Variants in TFAP2E observed in about 807,000 individuals in gnomAD.
The protein encoded by TFAP2E is transcription factor AP-2-epsilon.
A neutral mutation model predicts 37.9 loss-of-function variants in TFAP2E; 30 were observed. The observed-to-expected ratio is 0.79, with a 90% CI of 0.59 to 1.07. The LOEUF is 1.07. Among genes scored for constraint, TFAP2E ranks in the 50% least tolerant of loss-of-function variants. The pLI, the probability that TFAP2E is intolerant of heterozygous loss-of-function variation, is 0.00. For missense variants in TFAP2E, 567 were observed against 637.9 expected (o/e 0.89, Z 1.20); for synonymous variants, 318 against 295.8 (o/e 1.08, Z -0.77).
At chr1:35,589,066 G>A (rs575500685) in intron 4 of TFAP2E, among the ~76,000 whole-genome samples, 1 of 152,226 alleles carries the variant, frequency 6.6e-6, no homozygotes, top group African/African-American at 2.4e-5. Flanking sequence ...TGAGGATGGT[G>A]TGGACATGTG....
rs915451242 is a variant in TFAP2E at position 35,594,477 on chromosome 1, C to T, written c.1130C>T (p.Pro377Leu). Residue 377 changes from proline (P) to leucine (L), a missense_variant, in exon 7 of 7, where the codon CCC (proline) becomes CTC (leucine). This residue lies in a region of TFAP2E where 252 missense variants were observed against 302.6 expected (regional missense o/e 0.83). Transcript: ENST00000373235. ...GNSRPALILE[P>L]GVQSCLTHFS... ...AGCCGCCCAGCACTCATCCTGGAGCCCGGAGTACAGAGCTGCTTGACACAC... is the reference window on the plus strand; with the variant it reads ...AGCCGCCCAGCACTCATCCTGGAGCTCGGAGTACAGAGCTGCTTGACACAC... 1.1e-5 allele frequency: 18 copies of T among 1,614,204 alleles called. No individual in the cohort carries two copies. Among genetic ancestry groups the T allele is most frequent in the Non-Finnish European group, 1.4e-5 (17 of 1,180,048 alleles).
Position 35,576,816 on chromosome 1 carries a change from C to T in TFAP2E, c.562+1816C>T, listed in dbSNP as rs550131407. ...CAGTCCAAAGAACACAACGAGAGTC[C>T]TAACATCCCAGGTGGCGGCGCGCTG... On this transcript the variant is annotated intron_variant, in intron 3 of 6. Transcript: ENST00000373235. Among the ~76,000 whole-genome samples the T allele has an allele frequency of 1.8e-3, 270 of 152,336 alleles. 1 individual carries two copies. Among genetic ancestry groups the T allele is most frequent in the African/African-American group, 6.2e-3 (257 of 41,584 alleles).
rs181469940 is a variant in TFAP2E at position 35,582,495 on chromosome 1, T to C, written c.563-5835T>C. Among the ~76,000 whole-genome samples the C allele has an allele frequency of 2.8e-4, 43 of 151,712 alleles. 1 individual carries two copies. Among genetic ancestry groups the C allele is most frequent in the African/African-American group, 1.0e-3 (43 of 41,396 alleles). ...TAAAATTTTAATTTTTTTTTTGCAT[T>C]TTTAAAAATTATCTTTTTTTTTTTT... On this transcript the variant is annotated intron_variant, in intron 3 of 6. Coordinates refer to ENST00000373235, the MANE Select transcript of TFAP2E (RefSeq NM_178548.4).
chr1:35,594,701 G>A lies in TFAP2E; in HGVS notation c.*25G>A, dbSNP rs1649781848. On this transcript the variant is annotated 3_prime_UTR_variant, in exon 7 of 7. Coordinates refer to ENST00000373235, the MANE Select transcript of TFAP2E (RefSeq NM_178548.4). ...ACTGCTTCTCCCACCCCATCCCTAA[G>A]GGGCTCCCAGGCCCTGAAATAGGGA... 1 of 1,612,686 alleles carries A rather than the reference G, an allele frequency of 6.2e-7. No individual in the cohort carries two copies.
intron 6 of TFAP2E, 95 bp from the exon 7 acceptor site, chr1:35,594,299 T>TG: frequency 6.8e-7 from 1 of 1,467,486 alleles, no homozygotes; most frequent in Admixed American, 2.2e-5. Context: ...TCAGCAATTG[T>TG]GTAGCTAATG....
At chr1:35,594,107 AGTAG>A (rs1649761446) in intron 6 of TFAP2E, among the ~76,000 whole-genome samples, 1 of 152,176 alleles carries the variant, frequency 6.6e-6, no homozygotes, top group African/African-American at 2.4e-5. Context: ...TAAGGTAGTA[AGTAG>A]CTGAGCTGCA....
chr1:35,573,813 C>T lies in TFAP2E; in HGVS notation c.28-114C>T. ...GGTGGCTCGGAAATAAACCTCGGGCCCCAAGAAACGGGAGGGACTGCAGCT... is the reference window on the plus strand; with the variant it reads ...GGTGGCTCGGAAATAAACCTCGGGCTCCAAGAAACGGGAGGGACTGCAGCT... On this transcript the variant is annotated intron_variant, in intron 1 of 6. Transcript: ENST00000373235. This position sits in a 1 kb window ranked among gnomAD's most constrained non-coding sequence, Gnocchi z 5.9. 7.3e-7 allele frequency: 1 copy of T among 1,378,878 alleles called. No homozygotes were observed. Among genetic ancestry groups the T allele is most frequent in the Non-Finnish European group, 9.4e-7 (1 of 1,063,882 alleles). 85.4% of individuals were successfully genotyped at this position (1,378,878 alleles called of 1,614,324 possible).
At chr1:35,574,878 G>A (rs1281292266) in intron 2 of TFAP2E, 71 bp from the exon 3 acceptor site, 1 of 1,602,490 alleles carries the variant, frequency 6.2e-7, no homozygotes, top group South Asian at 1.1e-5. Flanking sequence ...GACCCTGGGT[G>A]GCAGGGGCTT....
intron 3 of TFAP2E, among the ~76,000 whole-genome samples, chr1:35,584,318 GT>G (rs1235605746): frequency 1.3e-5 from 2 of 152,066 alleles, no homozygotes; most frequent in Non-Finnish European, 1.5e-5. Flanking sequence ...GCCCAGGCTG[GT>G]CTCAAACTTC....
rs1203384388 is a variant in TFAP2E at position 35,589,998 on chromosome 1, C to T, written c.854C>T (p.Ala285Val). 3 of 1,614,136 alleles carry T rather than the reference C, an allele frequency of 1.9e-6. No homozygotes were observed. In the Admixed American group the frequency reaches 5.0e-5, roughly 27 times the overall value. Residue 285 changes from alanine to valine, a missense_variant, in exon 5 of 7, where the codon GCT becomes GTT. Ala to Val is a moderately conservative substitution (Grantham distance 64, BLOSUM62 0). This residue lies in a region of TFAP2E where 252 missense variants were observed against 302.6 expected (regional missense o/e 0.83). Coordinates refer to ENST00000373235, the MANE Select transcript of TFAP2E (RefSeq NM_178548.4). ...GAGAAGATTGGGCTCAACCTGCCAG[C>T]TGGCCGTCGCAAGGCCGCCAATGTG... Reference protein sequence around the residue: ...RLEKIGLNLPAGRRKAANVTL... With the variant: ...RLEKIGLNLPVGRRKAANVTL...
At position 35,574,318 on chromosome 1, in the gene TFAP2E, TGCACGGCCTGGCCGACGGCGC is replaced by T. The variant is rs1010716861; in HGVS notation, c.432_452del (p.Gly146_Asp152del). On this transcript the variant is annotated inframe_deletion, in exon 2 of 7. Transcript: ENST00000373235. ...TATGCCACTGCCGTGCCCCGGCTCCTGCACGGCCTGGCCGACGGCGCGCACGGCCTGGCAGACGCACCTCTC... is the reference window on the plus strand; with the variant it reads ...TATGCCACTGCCGTGCCCCGGCTCCTGCACGGCCTGGCAGACGCACCTCTC... 18 of 1,456,214 alleles carry T rather than the reference TGCACGGCCTGGCCGACGGCGC, an allele frequency of 1.2e-5. No individual in the cohort carries two copies. Among genetic ancestry groups the T allele is most frequent in the African/African-American group, 1.5e-5 (1 of 67,098 alleles). The allele number at this position is 1,456,214 out of a possible 1,614,324, so 90.2% of individuals were successfully genotyped here.
At position 35,594,739 on chromosome 1, in the gene TFAP2E, G is replaced by A; in HGVS notation, c.*63G>A. 1.2e-6 allele frequency: 2 copies of A among 1,604,198 alleles called. No individual in the cohort carries two copies. The highest frequency in any genetic ancestry group is 1.7e-6 in the Non-Finnish European group (2 of 1,177,978). ...CCTGAAATAGGGACTTAGCTCTTGG[G>A]GGTGGGCCTGGAAGGACTGAAAGGT... On this transcript the variant is annotated 3_prime_UTR_variant, in exon 7 of 7. Transcript: ENST00000373235.
Position 35,574,206 on chromosome 1 carries a change from C to T in TFAP2E, c.307C>T (p.Pro103Ser), listed in dbSNP as rs1571094638. 2 of 1,253,168 alleles carry T rather than the reference C, an allele frequency of 1.6e-6. No individual in the cohort carries two copies. Among genetic ancestry groups the T allele is most frequent in the East Asian group, 8.7e-5 (2 of 23,048 alleles). The allele number at this position is 1,253,168 out of a possible 1,614,324, so 77.6% of individuals were successfully genotyped here. Residue 103 changes from proline to serine, a missense_variant, in exon 2 of 7, where the codon CCC becomes TCC. This residue lies in a region of TFAP2E where 312 missense variants were observed against 317.4 expected (regional missense o/e 0.98). Transcript: ENST00000373235. ...PQPPQAAWAA[P>S]RAAARAHEEP... ...GCCTCCTCAGGCCGCCTGGGCCGCG[C>T]CCCGCGCAGCCGCCCGCGCCCACGA...
chr1:35,574,694 T>G (rs574448111), intron 2 of TFAP2E: 6 of 642,070 alleles, frequency 9.3e-6, no homozygotes, highest in East Asian at 8.3e-5. Flanking sequence ...TGGGGCAGCC[T>G]GCACCTGGGG....
Position 35,573,916 on chromosome 1 carries a change from TC to T in TFAP2E, c.28-9del. On this transcript the variant is annotated splice_polypyrimidine_tract_variant and intron_variant, in intron 1 of 6. Transcript: ENST00000373235. This position sits in a 1 kb window ranked among gnomAD's most constrained non-coding sequence, Gnocchi z 5.9. ...CAGTGGGTCACCTAAGGCACCCCTC[TC>T]CTTCCCCAGGAGCGCCCCGACGGGC... 6.9e-7 allele frequency: 1 copy of T among 1,447,920 alleles called. No homozygotes were observed. Among genetic ancestry groups the T allele is most frequent in the Non-Finnish European group, 9.0e-7 (1 of 1,115,224 alleles). The allele number at this position is 1,447,920 out of a possible 1,614,324, so 89.7% of individuals were successfully genotyped here. A position where few individuals can be genotyped will look rare whatever the true frequency, so the allele number is the denominator to read the frequency against.
At chr1:35,581,264 A>G (rs1649342590) in intron 3 of TFAP2E, among the ~76,000 whole-genome samples, 1 of 152,214 alleles carries the variant, frequency 6.6e-6, no homozygotes, top group African/African-American at 2.4e-5. Flanking sequence ...ATAGTATGCC[A>G]TTGTACGGGT....
At chr1:35,587,424 G>C (rs1649512095) in intron 3 of TFAP2E, among the ~76,000 whole-genome samples, 1 of 152,052 alleles carries the variant, frequency 6.6e-6, no homozygotes, top group African/African-American at 2.4e-5. Flanking sequence ...TGGATCATGA[G>C]GTCAGGAGTT....
Position 35,575,083 on chromosome 1 carries a change from C to T in TFAP2E, c.562+83C>T, listed in dbSNP as rs548425194. The T allele has an allele frequency of 9.7e-5, 151 of 1,561,272 alleles. No homozygotes were observed. In the African/African-American group the frequency reaches 1.7e-3, roughly 17 times the overall value. ...AGATCCATTTTCTTCACCGGCCGTG[C>T]CTCCTGTGTGTCGCCAGGCTGGGTG... On this transcript the variant is annotated intron_variant, in intron 3 of 6. Coordinates refer to ENST00000373235, the MANE Select transcript of TFAP2E (RefSeq NM_178548.4).
downstream of TFAP2E, among the ~76,000 whole-genome samples, chr1:35,595,545 T>A (rs1269241512): frequency 6.6e-6 from 1 of 152,158 alleles, no homozygotes; most frequent in Non-Finnish European, 1.5e-5. Flanking sequence ...TTGATGTACC[T>A]CCCCATGTCC....
Sources: allele counts gnomAD v4.1 joint callset (sites outside exome capture counted in the v4.1 genomes callset), GRCh38; gene constraint gnomAD v4.1.1; regional missense constraint gnomAD v4.1.1; non-coding constraint Gnocchi (gnomAD v3.1); transcripts MANE v1.5; gene names NCBI Gene and HGNC (gene_info 2026-07-23, HGNC 2026-07-21).